The following PNMA2 variants were observed in gnomAD, a reference collection of about 807,000 sequenced individuals.
The protein encoded by PNMA2 is paraneoplastic antigen Ma2.
For missense variants in PNMA2, 455 were observed against 452.9 expected, an observed-to-expected ratio of 1.00 and a Z score of -0.04; for synonymous variants, 175 against 183.5, an observed-to-expected ratio of 0.95 and a Z score of 0.38.
chr8:26,513,411 C>A lies in PNMA2; in HGVS notation c.-619+405G>T, dbSNP rs112123424. Among the ~76,000 whole-genome samples the A allele has an allele frequency of 1.7e-3, 257 of 150,830 alleles. 5 individuals are homozygous for A. In the East Asian group the frequency reaches 0.045, roughly 27 times the overall value. On this transcript the variant is annotated intron_variant, in intron 1 of 2. Transcript: ENST00000522362. ...GTGCCCCCCCCCCACTCCCCCGTCA[C>A]CCCAACCACACCAAAGTGGATGCAC...
Position 26,508,887 on chromosome 8 carries a change from A to T in PNMA2, c.-132T>A. On this transcript the variant is annotated 5_prime_UTR_variant, in exon 3 of 3. Coordinates refer to ENST00000522362, the MANE Select transcript of PNMA2 (RefSeq NM_007257.6). The surrounding 1 kb of genome is among the most constrained non-coding windows in gnomAD (Gnocchi z 5.5). The stretch of plus-strand genomic sequence containing the variant: ...GAACCCACCAATGAATGGGTCCCAG[A>T]CTAGGTCACTCAAAGACAGTCACAA... 6.6e-7 allele frequency: 1 copy of T among 1,504,628 alleles called. No individual in the cohort carries two copies. The allele number at this position is 1,504,628 out of a possible 1,614,324, so 93.2% of individuals were successfully genotyped here.
chr8:26,506,971 T>A lies in PNMA2; in HGVS notation c.*690A>T, dbSNP rs544197681. On this transcript the variant is annotated 3_prime_UTR_variant, in exon 3 of 3. Transcript: ENST00000522362. The surrounding 1 kb of genome is among the most constrained non-coding windows in gnomAD (Gnocchi z 4.4). ...TTTTGACTGCCAATTCTTTCTTCTA[T>A]GGTATGGGCCAATTCTGGTCTATTT... The A allele has an allele frequency of 3.5e-4, 53 of 152,310 alleles. No individual in the cohort carries two copies. Among genetic ancestry groups the A allele is most frequent in the African/African-American group, 1.1e-3 (47 of 41,568 alleles). The allele number at this position is 152,310 out of a possible 1,614,324, so 9.4% of individuals were successfully genotyped here.
chr8:26,512,319 C>T (rs558999330), intron 1 of PNMA2, among the ~76,000 whole-genome samples: 2 of 152,194 alleles, frequency 1.3e-5, no homozygotes, highest in African/African-American at 4.8e-5. Flanking sequence ...GCACATCTGC[C>T]GCTAAGTCCA....
chr8:26,505,877 G>C lies in PNMA2; in HGVS notation c.*1784C>G, dbSNP rs1298141420. On this transcript the variant is annotated 3_prime_UTR_variant, in exon 3 of 3. Coordinates refer to ENST00000522362, the MANE Select transcript of PNMA2 (RefSeq NM_007257.6). ...GTGGTGGTGGGTGCCTGTAATCCCA[G>C]CTACTCGGGAGGCTGAGGCACGAAA... The C allele has an allele frequency of 6.6e-6, 1 of 152,186 alleles. No homozygotes were observed. Among genetic ancestry groups the C allele is most frequent in the Non-Finnish European group, 1.5e-5 (1 of 68,068 alleles). The allele number at this position is 152,186 out of a possible 1,614,324, so 9.4% of individuals were successfully genotyped here. A position where few individuals can be genotyped will look rare whatever the true frequency, so the allele number is the denominator to read the frequency against.
At chr8:26,511,446 C>A (rs1462024491) in intron 1 of PNMA2, among the ~76,000 whole-genome samples, 1 of 152,148 alleles carries the variant, frequency 6.6e-6, no homozygotes, top group East Asian at 1.9e-4. Flanking sequence ...CTGCTGACTT[C>A]TCCATGCCTG....
rs1390082032 is a variant in PNMA2 at position 26,507,934 on chromosome 8, G to C, written c.822C>G (p.Thr274=). 1.9e-6 allele frequency: 3 copies of C among 1,614,130 alleles called. No individual in the cohort carries two copies. In the Admixed American group the frequency reaches 5.0e-5, roughly 27 times the overall value. The change falls in exon 3 of 3, where the codon ACC becomes ACG. Residue 274 remains threonine, a synonymous_variant. Coordinates refer to ENST00000522362, the MANE Select transcript of PNMA2 (RefSeq NM_007257.6). ...GTTTCTCCACCGCTCTCCGGAGCAGGGTTTCTAGCCGTAACACATAGGCTG... is the reference window on the plus strand; with the variant it reads ...GTTTCTCCACCGCTCTCCGGAGCAGCGTTTCTAGCCGTAACACATAGGCTG... ...KVSAYVLRLE[T]LLRRAVEKRA...
rs1808024713 is a variant in PNMA2 at position 26,505,010 on chromosome 8, G to A, written c.*2651C>T. Reference sequence around the variant, plus strand: ...AAACCTCTAACAATTGTCAACAACTGCTGGAAGAGTCATCACAAATATAAA... The same window carrying A: ...AAACCTCTAACAATTGTCAACAACTACTGGAAGAGTCATCACAAATATAAA... On this transcript the variant is annotated 3_prime_UTR_variant, in exon 3 of 3. Transcript: ENST00000522362. The A allele has an allele frequency of 1.3e-5, 2 of 152,380 alleles. No homozygotes were observed. Among genetic ancestry groups the A allele is most frequent in the African/African-American group, 4.8e-5 (2 of 41,456 alleles). The allele number at this position is 152,380 out of a possible 1,614,324, so 9.4% of individuals were successfully genotyped here. A position where few individuals can be genotyped will look rare whatever the true frequency, so the allele number is the denominator to read the frequency against.
chr8:26,508,869 C>T lies in PNMA2; in HGVS notation c.-114G>A. Reference sequence around the variant, plus strand: ...GATGAGCTTCTAACCTTAGAACCCACCAATGAATGGGTCCCAGACTAGGTC... The same window carrying T: ...GATGAGCTTCTAACCTTAGAACCCATCAATGAATGGGTCCCAGACTAGGTC... On this transcript the variant is annotated 5_prime_UTR_variant, in exon 3 of 3. The change creates a new upstream start codon in the 5' untranslated region. Coordinates refer to ENST00000522362, the MANE Select transcript of PNMA2 (RefSeq NM_007257.6). The surrounding 1 kb of genome is among the most constrained non-coding windows in gnomAD (Gnocchi z 5.5). The T allele has an allele frequency of 2.6e-6, 4 of 1,510,592 alleles. No homozygotes were observed. The South Asian group carries it at 5.7e-5, about 21-fold the overall frequency. 93.6% of individuals were successfully genotyped at this position (1,510,592 alleles called of 1,614,324 possible).
Position 26,508,067 on chromosome 8 carries a change from A to T in PNMA2, c.689T>A (p.Val230Glu). 1 of 1,614,210 alleles carries T rather than the reference A, an allele frequency of 6.2e-7. No homozygotes were observed. The highest frequency in any genetic ancestry group is 8.5e-7 in the Non-Finnish European group (1 of 1,180,036). Residue 230 changes from valine (V) to glutamate (E), a missense_variant, in exon 3 of 3, where the codon GTA becomes GAA. Val to Glu is a moderately radical substitution (Grantham distance 121). Coordinates refer to ENST00000522362, the MANE Select transcript of PNMA2 (RefSeq NM_007257.6). This position sits in a 1 kb window ranked among gnomAD's most constrained non-coding sequence, Gnocchi z 5.5. ...IVQADNPSIS[V>E]EECLEAFKQV... ...CTTAAAGGCCTCCAAACACTCTTCT[A>T]CACTGATGGACGGGTTGTCTGCCTG...
In PNMA2 at chr8:26,508,598, C is replaced by T; in HGVS notation, c.158G>A (p.Gly53Asp). ...LKSLGRYRLL[G>D]KIFRKQENAN... ...ATTCTCCTGCTTCCGGAATATCTTGCCAAGCAGTCTATACCTGCCCAGAGA... is the reference window on the plus strand; with the variant it reads ...ATTCTCCTGCTTCCGGAATATCTTGTCAAGCAGTCTATACCTGCCCAGAGA... Residue 53 changes from glycine to aspartate, a missense_variant, in exon 3 of 3, where the codon GGC (glycine) becomes GAC (aspartate). Physicochemically the swap from Gly to Asp is moderately conservative, Grantham distance 94 (BLOSUM62 -1). Coordinates refer to ENST00000522362, the MANE Select transcript of PNMA2 (RefSeq NM_007257.6). The surrounding 1 kb of genome is among the most constrained non-coding windows in gnomAD (Gnocchi z 5.5). 1 of 1,614,180 alleles carries T rather than the reference C, an allele frequency of 6.2e-7. No homozygotes were observed.
At position 26,507,327 on chromosome 8, in the gene PNMA2, G is replaced by A. The variant is rs531462372; in HGVS notation, c.*334C>T. Reference sequence around the variant, plus strand: ...TGCCTGTAGTCCCAGGTACTTGGGAGGCTAAGGTGTGAGGATCACCTGAGC... The same window carrying A: ...TGCCTGTAGTCCCAGGTACTTGGGAAGCTAAGGTGTGAGGATCACCTGAGC... On this transcript the variant is annotated 3_prime_UTR_variant, in exon 3 of 3. Transcript: ENST00000522362. The A allele has an allele frequency of 1.9e-4, 38 of 196,382 alleles. No individual in the cohort carries two copies. Among genetic ancestry groups the A allele is most frequent in the African/African-American group, 8.3e-4 (36 of 43,190 alleles). The allele number at this position is 196,382 out of a possible 1,614,324, so 12.2% of individuals were successfully genotyped here.
At chr8:26,511,173 T>TA (rs920961933) in intron 1 of PNMA2, among the ~76,000 whole-genome samples, 8 of 138,434 alleles carry the variant, frequency 5.8e-5, no homozygotes, top group African/African-American at 7.7e-5. Flanking sequence ...AAAAAAAAGT[T>TA]AGAGTTCCTA....
At chr8:26,513,639 A>G (rs1563370266) in intron 1 of PNMA2, among the ~76,000 whole-genome samples, 177 bp downstream of exon 1, 1 of 151,964 alleles carries the variant, frequency 6.6e-6, no homozygotes, top group Non-Finnish European at 1.5e-5. Flanking sequence ...CCCATCCATC[A>G]GCTCACACCC....
chr8:26,510,209 C>G (rs557280616), intron 1 of PNMA2, among the ~76,000 whole-genome samples: 1 of 152,288 alleles, frequency 6.6e-6, no homozygotes, highest in South Asian at 2.1e-4. Flanking sequence ...CCTCCCCTCA[C>G]TCTTGCTCCC....
At position 26,508,020 on chromosome 8, in the gene PNMA2, T is replaced by G; in HGVS notation, c.736A>C (p.Ser246Arg). Reference sequence around the variant, plus strand: ...TACCTCACCTGGGCTGTCCTGCGGCTCTCTAGGCTCCCAAACACTTGCTTA... The same window carrying G: ...TACCTCACCTGGGCTGTCCTGCGGCGCTCTAGGCTCCCAAACACTTGCTTA... Reference protein sequence around the residue: ...AFKQVFGSLESRRTAQVRYLK... With the variant: ...AFKQVFGSLERRRTAQVRYLK... The change falls in exon 3 of 3, where the codon AGC becomes CGC. Residue 246 changes from serine to arginine, a missense_variant. Transcript: ENST00000522362. This position sits in a 1 kb window ranked among gnomAD's most constrained non-coding sequence, Gnocchi z 5.5. The G allele has an allele frequency of 6.2e-7, 1 of 1,614,258 alleles. No individual in the cohort carries two copies. Among genetic ancestry groups the G allele is most frequent in the Non-Finnish European group, 8.5e-7 (1 of 1,180,044 alleles).
At position 26,507,831 on chromosome 8, in the gene PNMA2, A is replaced by G. The variant is rs761565468; in HGVS notation, c.925T>C (p.Trp309Arg). The G allele has an allele frequency of 6.2e-7, 1 of 1,613,680 alleles. No individual in the cohort carries two copies. The highest frequency in any genetic ancestry group is 8.5e-7 in the Non-Finnish European group (1 of 1,179,834). ...MAGATLNQML[W>R]CRLRELKDQG... Reference sequence around the variant, plus strand: ...TCCTTCAGCTCCCTAAGCCGGCACCACAGCATCTGGTTAAGAGTGGCCCCA... The same window carrying G: ...TCCTTCAGCTCCCTAAGCCGGCACCGCAGCATCTGGTTAAGAGTGGCCCCA... Residue 309 changes from tryptophan (W) to arginine (R), a missense_variant, in exon 3 of 3, where the codon TGG becomes CGG. By Grantham distance (101) the Trp-to-Arg change is moderately radical. Coordinates refer to ENST00000522362, the MANE Select transcript of PNMA2 (RefSeq NM_007257.6).
chr8:26,510,563 C>G (rs1434962672), intron 1 of PNMA2, among the ~76,000 whole-genome samples: 1 of 152,152 alleles, frequency 6.6e-6, no homozygotes, highest in East Asian at 1.9e-4. Context: ...ATCCTCCCAC[C>G]TCGACCTCCT....
rs746934546 is a variant in PNMA2, at chr8:26,507,813, G to T, written c.943C>A (p.Leu315Met). ...CTGGGGGGCGGGCCCTGATCCTTCA[G>T]CTCCCTAAGCCGGCACCACAGCATC... The part of the protein sequence containing the change: ...NQMLWCRLRE[L>M]KDQGPPPSFL... The change falls in exon 3 of 3, where the codon CTG becomes ATG. Residue 315 changes from leucine to methionine, a missense_variant. Physicochemically the swap from Leu to Met is conservative, Grantham distance 15. Transcript: ENST00000522362. The T allele has an allele frequency of 2.5e-6, 4 of 1,613,802 alleles. No individual in the cohort carries two copies. The highest frequency in any genetic ancestry group is 3.4e-6 in the Non-Finnish European group (4 of 1,179,882).
rs1808060664 is a variant in PNMA2, at chr8:26,507,401, T to A, written c.*260A>T. The stretch of plus-strand genomic sequence containing the variant: ...CAGTGAGCCGAGATTTTTGTGCCAC[T>A]GCACTCTAGCCTGGGTGATGAGAGT... On this transcript the variant is annotated 3_prime_UTR_variant, in exon 3 of 3. Transcript: ENST00000522362. 3.1e-6 allele frequency: 1 copy of A among 323,630 alleles called. No homozygotes were observed. The highest frequency in any genetic ancestry group is 5.5e-6 in the Non-Finnish European group (1 of 180,692). 20.0% of individuals were successfully genotyped at this position (323,630 alleles called of 1,614,324 possible). A position where few individuals can be genotyped will look rare whatever the true frequency, so the allele number is the denominator to read the frequency against.
Sources: allele counts gnomAD v4.1 joint callset (sites outside exome capture counted in the v4.1 genomes callset), GRCh38; gene constraint gnomAD v4.1.1; non-coding constraint Gnocchi (gnomAD v3.1); transcripts MANE v1.5; gene names NCBI Gene and HGNC (gene_info 2026-07-23, HGNC 2026-07-21).